GRM8: variants seen among roughly 807,000 people sequenced by gnomAD.
The protein encoded by GRM8 is glutamate metabotropic receptor 8.
In GRM8, 47 loss-of-function variants were observed where a neutral mutation model predicts 87.2. The observed-to-expected ratio is 0.54, with a 90% CI of 0.43 to 0.69. The LOEUF (loss-of-function observed/expected upper bound fraction) is 0.69. Ranked by LOEUF, GRM8 falls within the 30% of genes least tolerant of loss-of-function variation. GRM8 has a pLI of 0.00. For synonymous variants in GRM8, 396 were observed against 404.5 expected (o/e 0.98, Z 0.25); for missense variants, 1,019 against 1,139.2 (o/e 0.89, Z 1.52).
chr7:126,770,102 T>C, intron 6 of GRM8, 37 bp from the exon 7 acceptor site: 2 of 1,405,458 alleles, frequency 1.4e-6, no homozygotes, highest in East Asian at 2.4e-5. Context: ...CAGTTGATGT[T>C]AGATTCCAAT....
At chr7:126,909,249 AG>A (rs748397974) in intron 3 of GRM8, among the ~76,000 whole-genome samples, 21 of 152,240 alleles carry the variant, frequency 1.4e-4, no homozygotes, top group Non-Finnish European at 2.8e-4. Context: ...TAAGAGGAAG[AG>A]GTTATTATAT....
chr7:127,167,670 A>C (rs1375784562), intron 2 of GRM8, among the ~76,000 whole-genome samples: 1 of 152,172 alleles, frequency 6.6e-6, no homozygotes, highest in African/African-American at 2.4e-5. Flanking sequence ...AACTGTGCCC[A>C]TATAAAATGG....
intron 2 of GRM8, among the ~76,000 whole-genome samples, chr7:127,182,060 C>A (rs1473626228): frequency 6.6e-6 from 1 of 151,930 alleles, no homozygotes; most frequent in African/African-American, 2.4e-5. Flanking sequence ...AACAGACAAC[C>A]CACAAAGGGG....
chr7:126,932,878 C>T (rs1015696058), intron 3 of GRM8, among the ~76,000 whole-genome samples: 1 of 152,008 alleles, frequency 6.6e-6, no homozygotes, highest in African/African-American at 2.4e-5. Flanking sequence ...AGATGGATTC[C>T]CTCAAATGTC....
intron 3 of GRM8, among the ~76,000 whole-genome samples, chr7:127,068,582 A>G (rs565821658): frequency 6.6e-6 from 1 of 152,340 alleles, no homozygotes; most frequent in South Asian, 2.1e-4. Context: ...CTTCCTAGAA[A>G]CAGGAGAAAA....
intron 3 of GRM8, among the ~76,000 whole-genome samples, chr7:127,095,219 A>G (rs1047258493): frequency 1.3e-5 from 2 of 152,214 alleles, no homozygotes; most frequent in Admixed American, 1.3e-4. Flanking sequence ...AGTGACAGAG[A>G]GGGGCTCAGG....
chr7:126,551,174 G>T (rs1213965555), intron 8 of GRM8, among the ~76,000 whole-genome samples: 1 of 151,936 alleles, frequency 6.6e-6, no homozygotes, highest in Non-Finnish European at 1.5e-5. Flanking sequence ...ACCTTTAGAA[G>T]CAATGTTTTA....
intron 2 of GRM8, among the ~76,000 whole-genome samples, chr7:127,234,911 T>C (rs1467204111): frequency 6.6e-6 from 1 of 152,212 alleles, no homozygotes; most frequent in Non-Finnish European, 1.5e-5. Flanking sequence ...CAGTCTTCAA[T>C]TGTGCTGTGA....
At chr7:126,720,082 CTTCCT>C (rs548472114) in intron 7 of GRM8, among the ~76,000 whole-genome samples, 112 of 151,756 alleles carry the variant, frequency 7.4e-4, no homozygotes, top group Non-Finnish European at 1.3e-3. Flanking sequence ...TGCTTCTTAC[CTTCCT>C]TTCTTGTCTC....
intron 8 of GRM8, among the ~76,000 whole-genome samples, chr7:126,575,353 C>T (rs140862722): frequency 6.6e-6 from 1 of 151,588 alleles, no homozygotes; most frequent in Non-Finnish European, 1.5e-5. Context: ...AAAATAAGCT[C>T]AGGGCTCCCA....
chr7:127,014,987 GGAAGAAGAAGAAGAAAGAAGAAGAAGAA>G (rs1563412820), intron 3 of GRM8, among the ~76,000 whole-genome samples: 12 of 98,558 alleles, frequency 1.2e-4, no homozygotes, highest in African/African-American at 4.8e-4. Context: ...AAGGAGAAGA[GGAAGAAGAAGAAGAAAGAAGAAGAAGAA>G]GAAGAAGAAG....
chr7:126,904,609 G>A lies in GRM8; in HGVS notation c.802C>T (p.Arg268Cys), dbSNP rs199601760. 42 of 1,613,522 alleles carry A rather than the reference G, an allele frequency of 2.6e-5. No homozygotes were observed. Among genetic ancestry groups the A allele is most frequent in the South Asian group, 3.3e-5 (3 of 91,068 alleles). ...RPGEFEKIIKRLLETPNARAV... is the reference protein window; with the variant it reads ...RPGEFEKIIKCLLETPNARAV... ...CGAGCATTAGGTGTTTCTAGCAGGC[G>A]TTTGATAATTTTTTCAAATTCTCCA... Residue 268 changes from arginine (R) to cysteine (C), a missense_variant, in exon 4 of 11, where the codon CGC (arginine) becomes TGC (cysteine). Physicochemically the swap from Arg to Cys is radical, Grantham distance 180. Transcript: ENST00000339582.
At chr7:127,015,583 G>A (rs758181201) in intron 3 of GRM8, among the ~76,000 whole-genome samples, 8 of 152,120 alleles carry the variant, frequency 5.3e-5, no homozygotes, top group Non-Finnish European at 1.0e-4. Flanking sequence ...GGCATGATTT[G>A]TACTTTCACT....
intron 8 of GRM8, among the ~76,000 whole-genome samples, chr7:126,608,796 C>T (rs1265080981): frequency 6.8e-6 from 1 of 147,462 alleles, no homozygotes; most frequent in African/African-American, 2.5e-5. Context: ...CGGAGTCTCG[C>T]TCTGACGCCC....
intron 6 of GRM8, among the ~76,000 whole-genome samples, chr7:126,838,125 T>G (rs1795962480): frequency 6.6e-6 from 1 of 152,236 alleles, no homozygotes; most frequent in African/African-American, 2.4e-5. Flanking sequence ...AATAATATCA[T>G]TAAAATATGT....
At chr7:126,581,023 T>G (rs150408371) in intron 8 of GRM8, among the ~76,000 whole-genome samples, 2 of 152,100 alleles carry the variant, frequency 1.3e-5, no homozygotes, top group Non-Finnish European at 2.9e-5. Flanking sequence ...GAAGCCTTTT[T>G]ATGCATATAT....
At chr7:127,112,964 T>C (rs989560264) in intron 2 of GRM8, among the ~76,000 whole-genome samples, 8 of 152,210 alleles carry the variant, frequency 5.3e-5, no homozygotes, top group African/African-American at 1.9e-4. Context: ...ATCTGTAAGA[T>C]AGATATTCCA....
At chr7:126,482,073 A>C (rs1785518868) in intron 9 of GRM8, among the ~76,000 whole-genome samples, 1 of 152,048 alleles carries the variant, frequency 6.6e-6, no homozygotes, top group South Asian at 2.1e-4. Context: ...CATCACTGAT[A>C]AGTAGGAAAA....
intron 2 of GRM8, among the ~76,000 whole-genome samples, chr7:127,165,409 T>A (rs1465799827): frequency 6.6e-6 from 1 of 151,848 alleles, no homozygotes; most frequent in African/African-American, 2.4e-5. Flanking sequence ...GGGAATGATA[T>A]ATTTTCCAAC....
Sources: allele counts gnomAD v4.1 joint callset (sites outside exome capture counted in the v4.1 genomes callset), GRCh38; gene constraint gnomAD v4.1.1; transcripts MANE v1.5; gene names NCBI Gene and HGNC (gene_info 2026-07-23, HGNC 2026-07-21).